Variants in UGT1A8 observed in about 807,000 individuals in gnomAD.
The protein encoded by UGT1A8 is UDP glucuronosyltransferase family 1 member A8.
Under a neutral mutation model 45.3 loss-of-function variants are expected in UGT1A8, and 39 were observed. That is an observed-to-expected ratio of 0.86 (90% CI 0.67 to 1.12). The LOEUF (loss-of-function observed/expected upper bound fraction) is 1.12. UGT1A8 is among the 50% of genes most tolerant of loss of function. UGT1A8 has a pLI of 0.00. For synonymous variants in UGT1A8, 275 were observed against 249.2 expected (o/e 1.10, Z -0.97); for missense variants, 719 against 664.9 (o/e 1.08, Z -0.90).
chr2:233,707,127 T>C (rs1043935272), intron 1 of UGT1A8, among the ~76,000 whole-genome samples: 3 of 152,176 alleles, frequency 2.0e-5, no homozygotes, highest in African/African-American at 7.2e-5. Flanking sequence ...TGCATTAGGC[T>C]TTCTATCCCG....
At chr2:233,755,130 T>C (rs191550208) in intron 1 of UGT1A8, 4 of 1,321,300 alleles carry the variant, frequency 3.0e-6, no homozygotes, top group African/African-American at 1.5e-5. Flanking sequence ...AGCCACCTGC[T>C]TGAATCTTCT....
chr2:233,719,282 T>C, intron 1 of UGT1A8: 1 of 1,614,148 alleles, frequency 6.2e-7, no homozygotes, highest in Non-Finnish European at 8.5e-7. Context: ...CAGACCCCGT[T>C]AACCTCTGTG....
chr2:233,677,338 C>T (rs1049705126), intron 1 of UGT1A8, among the ~76,000 whole-genome samples: 34 of 151,988 alleles, frequency 2.2e-4, no homozygotes, highest in African/African-American at 8.0e-4. Context: ...TATAGTTGAC[C>T]CCTGAACAAT....
At position 233,769,478 on chromosome 2, in the gene UGT1A8, TGC is replaced by T; in HGVS notation, c.1295+1041_1295+1042del. The stretch of plus-strand genomic sequence containing the variant: ...GCATTCATATGCGTGTGTGTGTGTG[TGC>T]GTGTGTTTATGAGAGTGTCCATTGC... On this transcript the variant is annotated intron_variant, in intron 4 of 4. Transcript: ENST00000373450. The surrounding 1 kb of genome is among the most constrained non-coding windows in gnomAD (Gnocchi z 4.4). 2 of 1,611,018 alleles carry T rather than the reference TGC, an allele frequency of 1.2e-6. No individual in the cohort carries two copies. Among genetic ancestry groups the T allele is most frequent in the South Asian group, 1.1e-5 (1 of 90,926 alleles).
chr2:233,635,855 C>T lies in UGT1A8; in HGVS notation c.855+17293C>T, dbSNP rs1035070682. On this transcript the variant is annotated intron_variant, in intron 1 of 4. Coordinates refer to ENST00000373450, the MANE Select transcript of UGT1A8 (RefSeq NM_019076.5). ...GCCAGCAACTCCCCACTGCATGCAA[C>T]GTATCTGAGGAAAGTCATTAAAATA... is the stretch of plus-strand genomic sequence containing the variant. 4.3e-4 allele frequency among the ~76,000 whole-genome samples: 65 copies of T among 150,994 alleles called. 1 individual carries two copies. The highest frequency in any genetic ancestry group is 1.8e-4 in the Non-Finnish European group (12 of 67,936).
intron 1 of UGT1A8, among the ~76,000 whole-genome samples, chr2:233,632,782 G>A (rs978730953): frequency 2.0e-5 from 3 of 152,142 alleles, no homozygotes; most frequent in African/African-American, 4.8e-5. Flanking sequence ...TGCAAACAGA[G>A]ACAATTTGAC....
At chr2:233,669,650 TA>T (rs2074142419) in intron 1 of UGT1A8, among the ~76,000 whole-genome samples, 1 of 152,176 alleles carries the variant, frequency 6.6e-6, no homozygotes, top group Admixed American at 6.5e-5. Context: ...CCCCGAGCAG[TA>T]AAAAATTAGC....
intron 1 of UGT1A8, among the ~76,000 whole-genome samples, chr2:233,706,676 C>T (rs2075918998): frequency 6.6e-6 from 1 of 152,132 alleles, no homozygotes; most frequent in African/African-American, 2.4e-5. Context: ...TTCTACTCCC[C>T]ACCCCACTCC....
chr2:233,629,813 C>T (rs367649610), intron 1 of UGT1A8, among the ~76,000 whole-genome samples: 24 of 152,196 alleles, frequency 1.6e-4, no homozygotes, highest in African/African-American at 5.8e-4. Context: ...ATACAGGTTA[C>T]TTCTATTGGG....
intron 1 of UGT1A8, among the ~76,000 whole-genome samples, chr2:233,695,935 A>C (rs1408242527): frequency 6.6e-6 from 1 of 152,176 alleles, no homozygotes; most frequent in Non-Finnish European, 1.5e-5. Context: ...CAAGCAGGCA[A>C]TTCTGCCAGA....
chr2:233,702,649 G>C (rs2075698422), intron 1 of UGT1A8, among the ~76,000 whole-genome samples: 1 of 152,092 alleles, frequency 6.6e-6, no homozygotes, highest in African/African-American at 2.4e-5. Context: ...TCTATTCCTA[G>C]CTCGTTGAGT....
At chr2:233,679,288 C>G (rs760251029) in intron 1 of UGT1A8, among the ~76,000 whole-genome samples, 2 of 152,180 alleles carry the variant, frequency 1.3e-5, no homozygotes, top group Non-Finnish European at 2.9e-5. Context: ...TCTGCCTTCA[C>G]GGACAAAGCC....
intron 1 of UGT1A8, among the ~76,000 whole-genome samples, chr2:233,639,805 T>C (rs1026345177): frequency 1.5e-4 from 23 of 152,234 alleles, no homozygotes; most frequent in African/African-American, 5.3e-4. Context: ...ACTTTTAAAC[T>C]ATATCAATTG....
At chr2:233,765,980 C>T (rs987100848) in intron 1 of UGT1A8, among the ~76,000 whole-genome samples, 1 of 152,096 alleles carries the variant, frequency 6.6e-6, no homozygotes, top group African/African-American at 2.4e-5. Flanking sequence ...ATGTTTACAG[C>T]TCCTGAAGCT....
intron 1 of UGT1A8, among the ~76,000 whole-genome samples, chr2:233,632,361 A>G (rs897480839): frequency 5.3e-5 from 8 of 152,152 alleles, no homozygotes; most frequent in African/African-American, 1.4e-4. Context: ...GTTTTTTCCT[A>G]TTCTGTGAAG....
intron 1 of UGT1A8, among the ~76,000 whole-genome samples, chr2:233,636,095 C>T (rs922272605): frequency 6.6e-6 from 1 of 150,876 alleles, no homozygotes; most frequent in Non-Finnish European, 1.5e-5. Flanking sequence ...ACATGAGATG[C>T]CAATTTCTTT....
rs1700524185 is a variant in UGT1A8, at chr2:233,772,466, C to A, written c.1500C>A (p.Ala500=). 6.2e-6 allele frequency: 10 copies of A among 1,614,148 alleles called. No individual in the cohort carries two copies. The highest frequency in any genetic ancestry group is 8.5e-6 in the Non-Finnish European group (10 of 1,180,034). The change falls in exon 5 of 5, where the codon GCC becomes GCA. Residue 500 remains alanine, a synonymous_variant. Coordinates refer to ENST00000373450, the MANE Select transcript of UGT1A8 (RefSeq NM_019076.5). ...GFLLAVVLTV[A]FITFKCCAYG... ...TCTTGGCCGTCGTGCTGACAGTGGCCTTCATCACCTTTAAATGTTGTGCTT... is the reference window on the plus strand; with the variant it reads ...TCTTGGCCGTCGTGCTGACAGTGGCATTCATCACCTTTAAATGTTGTGCTT...
At chr2:233,653,260 C>G (rs955852285) in intron 1 of UGT1A8, among the ~76,000 whole-genome samples, 2 of 152,126 alleles carry the variant, frequency 1.3e-5, no homozygotes, top group Non-Finnish European at 2.9e-5. Flanking sequence ...TATAAAAACA[C>G]GACAGACCAC....
At chr2:233,671,447 G>A (rs1462985951) in intron 1 of UGT1A8, among the ~76,000 whole-genome samples, 4 of 152,170 alleles carry the variant, frequency 2.6e-5, no homozygotes. Flanking sequence ...CCCCAATTTA[G>A]GAGGTTAGGA....
Sources: allele counts gnomAD v4.1 joint callset (sites outside exome capture counted in the v4.1 genomes callset), GRCh38; gene constraint gnomAD v4.1.1; non-coding constraint Gnocchi (gnomAD v3.1); transcripts MANE v1.5; gene names NCBI Gene and HGNC (gene_info 2026-07-23, HGNC 2026-07-21).